The following SMAD3 variants were observed in gnomAD, a reference collection of about 807,000 sequenced individuals.
SMAD3 encodes MAD homolog 3.
SMAD3 carries 12 observed loss-of-function variants against 51.8 expected under a neutral mutation model. The ratio of observed to expected loss-of-function variants is 0.23; its 90% CI spans 0.15 to 0.38. The LOEUF is 0.38. SMAD3 is among the 10% of genes least tolerant of loss of function. The pLI, the probability that SMAD3 is intolerant of heterozygous loss-of-function variation, is 1.00. For synonymous variants in SMAD3, 238 were observed against 227.7 expected, an observed-to-expected ratio of 1.05 and a Z score of -0.41; for missense variants, 294 against 565.6, an observed-to-expected ratio of 0.52 and a Z score of 4.87.
chr15:67,097,205 T>G (rs1480942007), intron 1 of SMAD3, among the ~76,000 whole-genome samples: 1 of 152,064 alleles, frequency 6.6e-6, no homozygotes, highest in African/African-American at 2.4e-5. Context: ...TTGTGGTTTT[T>G]TTTGTTTGTT....
intron 1 of SMAD3, among the ~76,000 whole-genome samples, chr15:67,068,721 T>G (rs1959983503): frequency 6.6e-6 from 1 of 152,218 alleles, no homozygotes; most frequent in South Asian, 2.1e-4. Flanking sequence ...CCTTGGATTT[T>G]GTGCCCACGC....
intron 1 of SMAD3, among the ~76,000 whole-genome samples, chr15:67,144,544 A>T (rs1316291584): frequency 6.6e-6 from 1 of 152,180 alleles, no homozygotes; most frequent in East Asian, 1.9e-4. Flanking sequence ...TAACTATATA[A>T]ATATAGTTTG....
intron 1 of SMAD3, among the ~76,000 whole-genome samples, chr15:67,127,401 C>G (rs1224258385): frequency 6.6e-6 from 1 of 152,218 alleles, no homozygotes; most frequent in African/African-American, 2.4e-5. Context: ...TCCTGTTCCT[C>G]CTCAGGCACC....
At chr15:67,070,944 A>G (rs1054974963) in intron 1 of SMAD3, among the ~76,000 whole-genome samples, 19 of 152,248 alleles carry the variant, frequency 1.2e-4, no homozygotes, top group Admixed American at 9.8e-4. Context: ...TGTTACGTTT[A>G]TACTTCATTC....
chr15:67,157,254 A>G (rs752270367), intron 1 of SMAD3, among the ~76,000 whole-genome samples: 8 of 152,248 alleles, frequency 5.3e-5, no homozygotes, highest in East Asian at 1.9e-4. Context: ...GTTCACTTCT[A>G]TGGCCCAGTT....
In SMAD3 at chr15:67,181,447, C is replaced by T; in HGVS notation, c.865C>T (p.His289Tyr). ...TGCAGCAGTGGAGCTGACACGGAGA[C>T]ACATCGGTATGGGGTGGCTCCATTC... is the stretch of plus-strand genomic sequence containing the variant. The part of the protein sequence containing the change: ...RNAAVELTRR[H>Y]IGRGVRLYYI... The change falls in exon 6 of 9, where the codon CAC becomes TAC. Residue 289 changes from histidine to tyrosine, a missense_variant. His to Tyr is a moderately conservative substitution (Grantham distance 83). Around this residue, in one of 3 missense-constraint regions of SMAD3, gnomAD observed 118 missense variants for 278.0 expected, o/e 0.42. Coordinates refer to ENST00000327367, the MANE Select transcript of SMAD3 (RefSeq NM_005902.4). 1.2e-6 allele frequency: 2 copies of T among 1,612,582 alleles called. No individual in the cohort carries two copies. Among genetic ancestry groups the T allele is most frequent in the Non-Finnish European group, 1.7e-6 (2 of 1,179,794 alleles).
intron 1 of SMAD3, among the ~76,000 whole-genome samples, chr15:67,137,025 G>A (rs1189857597): frequency 6.6e-6 from 1 of 152,202 alleles, no homozygotes; most frequent in South Asian, 2.1e-4. Flanking sequence ...ATCAGGCTGG[G>A]GTCTGACCTC....
intron 5 of SMAD3, among the ~76,000 whole-genome samples, chr15:67,178,236 T>A (rs1962959396): frequency 6.6e-6 from 1 of 152,210 alleles, no homozygotes; most frequent in African/African-American, 2.4e-5. Context: ...CCCCAGAGCA[T>A]GGTTCTAGCA....
rs1301745038 is a variant in SMAD3, at chr15:67,190,738, A to T, written c.*202A>T. On this transcript the variant is annotated 3_prime_UTR_variant, in exon 9 of 9. Coordinates refer to ENST00000327367, the MANE Select transcript of SMAD3 (RefSeq NM_005902.4). ...TTATGAACAGCTGTGTCTGCCAAAC[A>T]CATTTACCCTTTGGCCCCACTTTGA... is the stretch of plus-strand genomic sequence containing the variant. 1.6e-6 allele frequency: 1 copy of T among 619,296 alleles called. No homozygotes were observed. The highest frequency in any genetic ancestry group is 2.8e-5 in the East Asian group (1 of 36,262). 38.4% of individuals were successfully genotyped at this position (619,296 alleles called of 1,614,324 possible). A position where few individuals can be genotyped will look rare whatever the true frequency, so the allele number is the denominator to read the frequency against.
At chr15:67,103,078 T>G (rs1374599168) in intron 1 of SMAD3, among the ~76,000 whole-genome samples, 1 of 152,076 alleles carries the variant, frequency 6.6e-6, no homozygotes, top group Admixed American at 6.6e-5. Context: ...AATGCATTAA[T>G]TTGGCTCTTT....
At chr15:67,166,679 T>TGCTA in intron 3 of SMAD3, 100 bp from the exon 4 acceptor site, 1 of 798,652 alleles carries the variant, frequency 1.3e-6, no homozygotes, top group Non-Finnish European at 2.2e-6. Flanking sequence ...CAGCCACGGA[T>TGCTA]GCTAGCATCA....
intron 1 of SMAD3, among the ~76,000 whole-genome samples, chr15:67,075,959 A>G (rs1191003210): frequency 6.6e-6 from 1 of 152,060 alleles, no homozygotes; most frequent in Non-Finnish European, 1.5e-5. Context: ...TGTATCAAGT[A>G]CTTTGCCAGT....
At position 67,090,504 on chromosome 15, in the gene SMAD3, C is replaced by A. The variant is rs114043626; in HGVS notation, c.206+24144C>A. 4.8e-3 allele frequency among the ~76,000 whole-genome samples: 727 copies of A among 152,148 alleles called. 9 individuals are homozygous for A. The highest frequency in any genetic ancestry group is 0.017 in the African/African-American group (710 of 41,496). On this transcript the variant is annotated intron_variant, in intron 1 of 8. Transcript: ENST00000327367. Reference sequence around the variant, plus strand: ...GAGCGGGGCAGTGACTTGCGCAAGTCATTTGTTGGGAAGAATGGGGCAGGA... The same window carrying A: ...GAGCGGGGCAGTGACTTGCGCAAGTAATTTGTTGGGAAGAATGGGGCAGGA...
chr15:67,150,192 G>A (rs140626700), intron 1 of SMAD3, among the ~76,000 whole-genome samples: 2 of 152,296 alleles, frequency 1.3e-5, no homozygotes, highest in African/African-American at 2.4e-5. Flanking sequence ...TCACTGAGTC[G>A]CCCGGTTGAC....
chr15:67,113,076 G>GTGTATGTATATA (rs763595789), intron 1 of SMAD3, among the ~76,000 whole-genome samples: 1 of 34,972 alleles, frequency 2.9e-5, no homozygotes, highest in Non-Finnish European at 5.8e-5. Flanking sequence ...ATATATATGT[G>GTGTATGTATATA]TATATATATA....
At position 67,192,388 on chromosome 15, in the gene SMAD3, A is replaced by G. The variant is rs1450272919; in HGVS notation, c.*1852A>G. The stretch of plus-strand genomic sequence containing the variant: ...GGTTGACTCAGAACCCAGAGACAAT[A>G]CAAAACCCCTCACTTCCTCTGAGAG... On this transcript the variant is annotated 3_prime_UTR_variant, in exon 9 of 9. Coordinates refer to ENST00000327367, the MANE Select transcript of SMAD3 (RefSeq NM_005902.4). The G allele has an allele frequency of 2.1e-5, 5 of 233,182 alleles. No homozygotes were observed. Among genetic ancestry groups the G allele is most frequent in the Admixed American group, 5.6e-5 (1 of 17,772 alleles). The allele number at this position is 233,182 out of a possible 1,614,324, so 14.4% of individuals were successfully genotyped here.
chr15:67,155,799 A>G (rs994419136), intron 1 of SMAD3, among the ~76,000 whole-genome samples: 3 of 152,170 alleles, frequency 2.0e-5, no homozygotes, highest in South Asian at 2.1e-4. Flanking sequence ...CAGCCTGGCC[A>G]ACACGGTGAA....
chr15:67,152,108 A>G (rs940332823), intron 1 of SMAD3, among the ~76,000 whole-genome samples: 3 of 152,194 alleles, frequency 2.0e-5, no homozygotes, highest in Admixed American at 6.5e-5. Context: ...TGTAATTTTG[A>G]GACCTTTAAC....
At chr15:67,154,814 T>C (rs536324444) in intron 1 of SMAD3, among the ~76,000 whole-genome samples, 1 of 152,318 alleles carries the variant, frequency 6.6e-6, no homozygotes, top group Admixed American at 6.5e-5. Flanking sequence ...AGTCCCTTTT[T>C]TTAAAAAAAA....
Sources: gnomAD v4.1 joint callset for allele counts (sites outside exome capture counted in the v4.1 genomes callset) on GRCh38, gnomAD v4.1.1 for gene constraint, gnomAD v4.1.1 regional missense constraint, MANE v1.5 for transcripts, NCBI Gene and HGNC (gene_info 2026-07-23, HGNC 2026-07-21) for gene names.